Variants in RASGRF2 observed in about 807,000 individuals in gnomAD.
RASGRF2 encodes the protein ras-specific guanine nucleotide-releasing factor 2.
RASGRF2 carries 76 observed loss-of-function variants against 151.0 expected under a neutral mutation model. That is an observed-to-expected ratio of 0.50 (90% CI 0.42 to 0.61). The LOEUF is 0.61. Ranked by LOEUF, RASGRF2 falls within the 20% of genes least tolerant of loss-of-function variation. The probability of loss-of-function intolerance (pLI) is 0.00; values close to 1 mark genes in which losing one functional copy is unlikely to be tolerated. For synonymous variants in RASGRF2, 504 were observed against 566.5 expected (o/e 0.89, Z 1.57); for missense variants, 1,148 against 1,564.6 (o/e 0.73, Z 4.49).
intron 17 of RASGRF2, among the ~76,000 whole-genome samples, chr5:81,164,943 G>A (rs1024030925): frequency 2.0e-5 from 3 of 152,192 alleles, no homozygotes; most frequent in Non-Finnish European, 4.4e-5. Flanking sequence ...AGCATTGAGC[G>A]GCCATTTTCC....
At position 81,225,825 on chromosome 5, in the gene RASGRF2, G is replaced by A. The variant is rs985555354; in HGVS notation, c.*55G>A. On this transcript the variant is annotated 3_prime_UTR_variant, in exon 27 of 27. Coordinates refer to ENST00000265080, the MANE Select transcript of RASGRF2 (RefSeq NM_006909.3). ...ATGTTCATGGAAAGCAGGACAGACA[G>A]AATTGTGTATGCCTTGCCTATCACG... 1.3e-6 allele frequency: 2 copies of A among 1,580,480 alleles called. No homozygotes were observed. The highest frequency in any genetic ancestry group is 2.7e-5 in the African/African-American group (2 of 73,330).
chr5:81,105,226 T>A (rs1752812706), intron 12 of RASGRF2, among the ~76,000 whole-genome samples: 1 of 152,200 alleles, frequency 6.6e-6, no homozygotes, highest in Non-Finnish European at 1.5e-5. Context: ...ACAAGCCCTT[T>A]GAACTCATCT....
chr5:81,146,524 G>A (rs1754010270), intron 17 of RASGRF2, among the ~76,000 whole-genome samples: 1 of 151,870 alleles, frequency 6.6e-6, no homozygotes, highest in African/African-American at 2.4e-5. Flanking sequence ...TCATTGGTAG[G>A]AAAACAGGTG....
At chr5:81,069,756 C>T (rs1398822016) in intron 3 of RASGRF2, among the ~76,000 whole-genome samples, 1 of 152,034 alleles carries the variant, frequency 6.6e-6, no homozygotes, top group African/African-American at 2.4e-5. Context: ...AATTATGATC[C>T]CTTAACTTTT....
chr5:81,147,630 G>A (rs1056781376), intron 17 of RASGRF2, among the ~76,000 whole-genome samples: 7 of 152,140 alleles, frequency 4.6e-5, no homozygotes, highest in African/African-American at 1.7e-4. Context: ...ACAGCCATGG[G>A]GGACCAACTG....
At chr5:81,168,049 T>C (rs1176795182) in intron 17 of RASGRF2, among the ~76,000 whole-genome samples, 1 of 152,098 alleles carries the variant, frequency 6.6e-6, no homozygotes, top group Non-Finnish European at 1.5e-5. Flanking sequence ...CAAAAGCAGA[T>C]ACAAATGGTC....
At chr5:81,032,637 G>A (rs897493913) in intron 1 of RASGRF2, among the ~76,000 whole-genome samples, 2 of 152,138 alleles carry the variant, frequency 1.3e-5, no homozygotes, top group Non-Finnish European at 2.9e-5. Flanking sequence ...GGTATTGATG[G>A]GACGTATCTC....
chr5:81,201,555 C>T, intron 19 of RASGRF2, 113 bp downstream of exon 19: 1 of 1,185,972 alleles, frequency 8.4e-7, no homozygotes. Flanking sequence ...ACTATGTTCT[C>T]AGCAGTAAAG....
chr5:81,213,129 T>G (rs1328361075), intron 23 of RASGRF2, among the ~76,000 whole-genome samples: 1 of 152,226 alleles, frequency 6.6e-6, no homozygotes, highest in East Asian at 1.9e-4. Flanking sequence ...TCTCCTGGCC[T>G]TCTCCCTGGG....
chr5:81,016,955 A>G (rs1166211693), intron 1 of RASGRF2, among the ~76,000 whole-genome samples: 1 of 152,220 alleles, frequency 6.6e-6, no homozygotes, highest in Non-Finnish European at 1.5e-5. Flanking sequence ...CAAAAACAAA[A>G]CAACTAACAA....
rs140693798 is a variant in RASGRF2 at position 81,092,823 on chromosome 5, C to T, written c.1413C>T (p.Ser471=). The T allele has an allele frequency of 2.9e-5, 46 of 1,613,110 alleles. No individual in the cohort carries two copies. The highest frequency in any genetic ancestry group is 2.0e-4 in the African/African-American group (15 of 74,964). The change falls in exon 10 of 27, where the codon TCC becomes TCT. Residue 471 remains serine, a synonymous_variant. Transcript: ENST00000265080. ...IRQGSLIQVP[S]VERGKLSKVR... ...CAGGTTCTCTTATTCAAGTACCTTCCGTTGAGAGGGGGAAACTTAGTAAAG... is the reference window on the plus strand; with the variant it reads ...CAGGTTCTCTTATTCAAGTACCTTCTGTTGAGAGGGGGAAACTTAGTAAAG...
chr5:80,972,654 GT>G (rs972247737), intron 1 of RASGRF2, among the ~76,000 whole-genome samples: 1 of 151,974 alleles, frequency 6.6e-6, no homozygotes, highest in African/African-American at 2.4e-5. Flanking sequence ...TAATTTTTAT[GT>G]TTTTAGTAAA....
chr5:81,169,280 T>G (rs542863467), intron 17 of RASGRF2, among the ~76,000 whole-genome samples: 53 of 152,294 alleles, frequency 3.5e-4, no homozygotes, highest in African/African-American at 1.2e-3. Context: ...GACCTTAAAT[T>G]CGTTTTTGTA....
At chr5:81,081,504 T>C (rs763119409) in intron 7 of RASGRF2, among the ~76,000 whole-genome samples, 8 of 152,248 alleles carry the variant, frequency 5.3e-5, no homozygotes, top group Non-Finnish European at 7.3e-5. Flanking sequence ...AAAATGTGCA[T>C]TGAATCTCCT....
chr5:81,062,102 A>G (rs1374884443), intron 2 of RASGRF2, among the ~76,000 whole-genome samples: 1 of 151,466 alleles, frequency 6.6e-6, no homozygotes, highest in East Asian at 1.9e-4. Context: ...TCAGCTTCCC[A>G]AAGTGTTGGG....
At chr5:81,045,789 T>G (rs1750817529) in intron 2 of RASGRF2, among the ~76,000 whole-genome samples, 1 of 152,166 alleles carries the variant, frequency 6.6e-6, no homozygotes, top group Non-Finnish European at 1.5e-5. Context: ...GAAGAAAACT[T>G]TTTTATCTAA....
At chr5:81,077,081 G>A (rs1160761740) in intron 5 of RASGRF2, among the ~76,000 whole-genome samples, 1 of 152,204 alleles carries the variant, frequency 6.6e-6, no homozygotes, top group African/African-American at 2.4e-5. Context: ...AGAAAGTAGT[G>A]CTGGTATGAG....
intron 1 of RASGRF2, among the ~76,000 whole-genome samples, chr5:81,017,568 C>T (rs981334769): frequency 3.3e-5 from 5 of 152,154 alleles, no homozygotes; most frequent in African/African-American, 4.8e-5. Flanking sequence ...TCAGAAGATG[C>T]GGAGGTGGCA....
intron 17 of RASGRF2, among the ~76,000 whole-genome samples, chr5:81,148,037 AC>A (rs1292604275): frequency 8.5e-5 from 13 of 152,284 alleles, no homozygotes; most frequent in Admixed American, 1.3e-4. Flanking sequence ...GGTGTTAATG[AC>A]CTGCAAGTGA....
Sources: gnomAD v4.1 joint callset for allele counts (sites outside exome capture counted in the v4.1 genomes callset) on GRCh38, gnomAD v4.1.1 for gene constraint, MANE v1.5 for transcripts, NCBI Gene and HGNC (gene_info 2026-07-23, HGNC 2026-07-21) for gene names.